The following DNM3 variants were observed in gnomAD, a reference collection of about 807,000 sequenced individuals.
The protein encoded by DNM3 is dynamin-3.
A neutral mutation model predicts 101.6 loss-of-function variants in DNM3; 47 were observed. The observed-to-expected ratio is 0.46, with a 90% CI of 0.37 to 0.59. The LOEUF is 0.59. Ranked by LOEUF, DNM3 falls within the 20% of genes least tolerant of loss-of-function variation. The pLI is 0.00. For missense variants in DNM3, 849 were observed against 1,085.7 expected (o/e 0.78, Z 3.06); for synonymous variants, 385 against 387.9 (o/e 0.99, Z 0.09).
chr1:172,245,246 TAAATA>T (rs536740215), intron 14 of DNM3, among the ~76,000 whole-genome samples: 1 of 152,138 alleles, frequency 6.6e-6, no homozygotes, highest in South Asian at 2.1e-4. Flanking sequence ...ACAACGATAA[TAAATA>T]AAGGTAATAA....
At chr1:171,878,379 C>CT (rs34181872) in intron 1 of DNM3, among the ~76,000 whole-genome samples, 1,480 of 146,310 alleles carry the variant, frequency 0.01, 15 homozygotes, top group African/African-American at 0.033. Flanking sequence ...AAATTCCTTT[C>CT]TTTTTTTTTT....
At chr1:172,282,359 A>C (rs902201135) in intron 15 of DNM3, among the ~76,000 whole-genome samples, 1 of 152,150 alleles carries the variant, frequency 6.6e-6, no homozygotes, top group Non-Finnish European at 1.5e-5. Context: ...CATTATTTCA[A>C]ATTCTTAAAA....
intron 20 of DNM3, among the ~76,000 whole-genome samples, chr1:172,405,071 T>C (rs1193324586): frequency 2.0e-5 from 3 of 152,060 alleles, no homozygotes; most frequent in African/African-American, 7.2e-5. Flanking sequence ...AATATAAGCT[T>C]CTGATAAATG....
At chr1:172,014,059 C>T (rs1369839514) in intron 4 of DNM3, among the ~76,000 whole-genome samples, 2 of 151,976 alleles carry the variant, frequency 1.3e-5, no homozygotes, top group East Asian at 3.9e-4. Context: ...ATCAATTGTC[C>T]CACAGACACT....
At chr1:172,218,072 C>T (rs2148550764) in intron 14 of DNM3, among the ~76,000 whole-genome samples, 1 of 152,232 alleles carries the variant, frequency 6.6e-6, no homozygotes, top group African/African-American at 2.4e-5. Context: ...ATGTTTCCTA[C>T]ATGTTTGAGG....
chr1:171,854,732 A>G (rs1400885805), intron 1 of DNM3, among the ~76,000 whole-genome samples: 2 of 151,218 alleles, frequency 1.3e-5, no homozygotes, highest in Non-Finnish European at 2.9e-5. Flanking sequence ...CCCCACCAGC[A>G]TGCCAGGCTA....
chr1:172,236,441 T>C (rs968695834), intron 14 of DNM3, among the ~76,000 whole-genome samples: 1 of 152,214 alleles, frequency 6.6e-6, no homozygotes, highest in African/African-American at 2.4e-5. Context: ...TAGTTTTATT[T>C]TAATGAATGC....
chr1:172,241,217 A>G (rs1023631330), intron 14 of DNM3, among the ~76,000 whole-genome samples: 1 of 137,752 alleles, frequency 7.3e-6, no homozygotes, highest in African/African-American at 2.8e-5. Context: ...GGTATTTATC[A>G]TATATATGTA....
chr1:171,856,419 G>A (rs543827137), intron 1 of DNM3, among the ~76,000 whole-genome samples: 1 of 152,252 alleles, frequency 6.6e-6, no homozygotes, highest in South Asian at 2.1e-4. Flanking sequence ...GAATGACATT[G>A]GTAGTTTGAT....
intron 11 of DNM3, among the ~76,000 whole-genome samples, chr1:172,069,359 A>G (rs2051974455): frequency 6.6e-6 from 1 of 152,138 alleles, no homozygotes; most frequent in African/African-American, 2.4e-5. Flanking sequence ...TTCTGAGGAG[A>G]GAGTGGACCT....
At chr1:172,385,874 A>C (rs955284859) in intron 18 of DNM3, among the ~76,000 whole-genome samples, 10 of 152,250 alleles carry the variant, frequency 6.6e-5, no homozygotes, top group African/African-American at 2.4e-4. Context: ...ACTAGGCTTA[A>C]GTTAATTGCT....
At chr1:172,341,670 G>A (rs1427744179) in intron 17 of DNM3, among the ~76,000 whole-genome samples, 1 of 152,052 alleles carries the variant, frequency 6.6e-6, no homozygotes, top group African/African-American at 2.4e-5. Context: ...AGGATAACTG[G>A]CTAGCTATAT....
At chr1:171,972,710 G>A (rs1027064310) in intron 2 of DNM3, among the ~76,000 whole-genome samples, 1 of 152,132 alleles carries the variant, frequency 6.6e-6, no homozygotes, top group Non-Finnish European at 1.5e-5. Flanking sequence ...TCAGCCGGGC[G>A]TGGTGGCGCA....
At chr1:172,157,277 C>A (rs918972739) in intron 14 of DNM3, among the ~76,000 whole-genome samples, 32 of 152,078 alleles carry the variant, frequency 2.1e-4, no homozygotes, top group Middle Eastern at 3.4e-3. Flanking sequence ...GGTTTGCACT[C>A]CTGTGAGAAT....
At position 172,191,355 on chromosome 1, in the gene DNM3, A is replaced by G. The variant is rs778275706; in HGVS notation, c.1659+60067A>G. Among the ~76,000 whole-genome samples, 18 of 152,126 alleles carry G rather than the reference A, an allele frequency of 1.2e-4. No individual in the cohort carries two copies. The East Asian group carries it at 2.9e-3, about 25-fold the overall frequency. ...ATGTGGTATTATTTCTGAGGGCTCT[A>G]TTCTGTTCCATTGGTCTATATCTCT... On this transcript the variant is annotated intron_variant, in intron 14 of 20. Coordinates refer to ENST00000627582, the MANE Select transcript of DNM3 (RefSeq NM_015569.5).
chr1:172,239,567 T>C (rs927320830), intron 14 of DNM3, among the ~76,000 whole-genome samples: 6 of 151,998 alleles, frequency 3.9e-5, no homozygotes, highest in Non-Finnish European at 7.4e-5. Flanking sequence ...TCCAAACCAT[T>C]TGTCATTTCC....
intron 14 of DNM3, among the ~76,000 whole-genome samples, chr1:172,244,109 T>C (rs1157112394): frequency 6.6e-6 from 1 of 152,006 alleles, no homozygotes; most frequent in East Asian, 1.9e-4. Flanking sequence ...AGTGAGAATA[T>C]GCGGTGTTTG....
At chr1:172,019,960 T>G (rs548833751) in intron 4 of DNM3, among the ~76,000 whole-genome samples, 1 of 152,078 alleles carries the variant, frequency 6.6e-6, no homozygotes, top group Admixed American at 6.5e-5. Flanking sequence ...AACATTAGAG[T>G]TAGAGTTCTG....
chr1:171,945,178 C>T (rs964721064), intron 2 of DNM3, among the ~76,000 whole-genome samples: 3 of 151,944 alleles, frequency 2.0e-5, no homozygotes, highest in Admixed American at 1.3e-4. Context: ...CCTATATTAA[C>T]GTTTTAATCC....
Sources: gnomAD v4.1 joint callset for allele counts (sites outside exome capture counted in the v4.1 genomes callset) on GRCh38, gnomAD v4.1.1 for gene constraint, MANE v1.5 for transcripts, NCBI Gene and HGNC (gene_info 2026-07-23, HGNC 2026-07-21) for gene names.